The following BLM variants were observed in gnomAD, a reference collection of about 807,000 sequenced individuals.
BLM encodes the protein recQ-like DNA helicase BLM.
Under a neutral mutation model 135.3 loss-of-function variants are expected in BLM, and 95 were observed. That is an observed-to-expected ratio of 0.70 (90% CI 0.59 to 0.83). The LOEUF (loss-of-function observed/expected upper bound fraction) is 0.83, where lower values mean the gene tolerates loss of function less well. Ranked by LOEUF, BLM falls within the 40% of genes least tolerant of loss-of-function variation. The pLI, the probability that BLM is intolerant of heterozygous loss-of-function variation, is 0.00. For missense variants in BLM, 1,518 were observed against 1,663.9 expected, an observed-to-expected ratio of 0.91 and a Z score of 1.53; for synonymous variants, 520 against 589.2, an observed-to-expected ratio of 0.88 and a Z score of 1.70.
chr15:90,750,155 G>A, intron 3 of BLM, 88 bp downstream of exon 3: 1 of 1,409,198 alleles, frequency 7.1e-7, no homozygotes, highest in Non-Finnish European at 9.8e-7. Context: ...AATATATAGA[G>A]CTTTTGTCCT....
intron 1 of BLM, among the ~76,000 whole-genome samples, chr15:90,733,206 C>A (rs1023710021): frequency 6.6e-6 from 1 of 152,146 alleles, no homozygotes; most frequent in African/African-American, 2.4e-5. Context: ...TAAGTAACCA[C>A]TGACACAGGA....
At chr15:90,814,328 C>T (rs961742017) in intron 21 of BLM, among the ~76,000 whole-genome samples, 12 of 152,192 alleles carry the variant, frequency 7.9e-5, no homozygotes, top group African/African-American at 2.9e-4. Context: ...GTAAACATGC[C>T]GGCCCCATGG....
chr15:90,719,822 A>C (rs759870985), intron 1 of BLM, among the ~76,000 whole-genome samples: 4 of 152,198 alleles, frequency 2.6e-5, no homozygotes, highest in Non-Finnish European at 5.9e-5. Flanking sequence ...ATCGTAGAAT[A>C]ATCCTAGGAC....
intron 20 of BLM, 30 bp downstream of exon 20, chr15:90,809,289 A>G (rs1897352703): frequency 6.2e-7 from 1 of 1,613,910 alleles, no homozygotes. Flanking sequence ...TGTTCTCTAA[A>G]AGCCTGTTTA....
At chr15:90,813,092 C>T (rs936372695) in intron 21 of BLM, among the ~76,000 whole-genome samples, 3 of 152,164 alleles carry the variant, frequency 2.0e-5, no homozygotes, top group Non-Finnish European at 4.4e-5. Context: ...TGCCTGGTCT[C>T]GATTTCAAAG....
intron 1 of BLM, among the ~76,000 whole-genome samples, chr15:90,722,674 AATTAT>A (rs1202764651): frequency 1.3e-5 from 2 of 152,148 alleles, no homozygotes; most frequent in Non-Finnish European, 2.9e-5. Context: ...TATGCATAAA[AATTAT>A]ATTGTATTCA....
chr15:90,783,018 C>A (rs1896657434), intron 13 of BLM, 90 bp downstream of exon 13: 1 of 1,035,656 alleles, frequency 9.7e-7, no homozygotes, highest in South Asian at 1.4e-5. Context: ...ATTAAACATT[C>A]CTTTTTGCAT....
At position 90,790,428 on chromosome 15, in the gene BLM, G is replaced by A. The variant is rs28385073; in HGVS notation, c.2824-221G>A. Reference sequence around the variant, plus strand: ...TACAAGAAAGTGCCTGCCATGCTGAGCTTCTCTTTACCTTCTTGGGTTTTA... The same window carrying A: ...TACAAGAAAGTGCCTGCCATGCTGAACTTCTCTTTACCTTCTTGGGTTTTA... On this transcript the variant is annotated intron_variant, in intron 14 of 21. Coordinates refer to ENST00000355112, the MANE Select transcript of BLM (RefSeq NM_000057.4). 1,545 of 564,380 alleles carry A rather than the reference G, an allele frequency of 2.7e-3. 29 individuals carry two copies. The highest frequency in any genetic ancestry group is 0.025 in the African/African-American group (1,355 of 53,284). 35.0% of individuals were successfully genotyped at this position (564,380 alleles called of 1,614,324 possible). A position where few individuals can be genotyped will look rare whatever the true frequency, so the allele number is the denominator to read the frequency against.
At chr15:90,728,984 A>G (rs1028715283) in intron 1 of BLM, among the ~76,000 whole-genome samples, 10 of 152,128 alleles carry the variant, frequency 6.6e-5, no homozygotes, top group Non-Finnish European at 1.0e-4. Context: ...ATTCGAGACC[A>G]GTCTGGGCAA....
intron 15 of BLM, chr15:90,793,933 G>A (rs1404768341): frequency 3.3e-6 from 1 of 303,140 alleles, no homozygotes; most frequent in African/African-American, 2.2e-5. Context: ...CATCATTGGG[G>A]ATAATGAAGA....
intron 21 of BLM, 96 bp downstream of exon 21, chr15:90,811,502 A>T: frequency 2.2e-6 from 3 of 1,344,346 alleles, no homozygotes; most frequent in Non-Finnish European, 3.1e-6. Flanking sequence ...TATTAAAATA[A>T]GCCATTATTA....
At chr15:90,779,769 T>A (rs750101013) in intron 12 of BLM, among the ~76,000 whole-genome samples, 2 of 152,206 alleles carry the variant, frequency 1.3e-5, no homozygotes, top group African/African-American at 2.4e-5. Flanking sequence ...ATATCTGAAA[T>A]CAGAACATCC....
chr15:90,793,634 A>G (rs1342101539), intron 15 of BLM, among the ~76,000 whole-genome samples: 2 of 152,224 alleles, frequency 1.3e-5, no homozygotes, highest in Admixed American at 6.5e-5. Context: ...ATGTAGCACA[A>G]TCTAATGTTA....
chr15:90,759,731 C>T (rs1017094602), intron 5 of BLM, among the ~76,000 whole-genome samples: 4 of 151,828 alleles, frequency 2.6e-5, no homozygotes, highest in South Asian at 2.1e-4. Context: ...CTCAGCCTCC[C>T]GAGTAGCTGG....
chr15:90,788,084 G>A (rs1567054870), intron 14 of BLM, among the ~76,000 whole-genome samples: 8 of 152,176 alleles, frequency 5.3e-5, no homozygotes, highest in Admixed American at 5.2e-4. Context: ...GTAGTGAGTA[G>A]CTTGAGAATG....
intron 1 of BLM, among the ~76,000 whole-genome samples, chr15:90,723,158 T>C (rs572221636): frequency 1.2e-4 from 19 of 152,222 alleles, no homozygotes; most frequent in African/African-American, 4.3e-4. Flanking sequence ...TCCCAATTTT[T>C]GTGATAATGC....
chr15:90,747,524 C>A, intron 2 of BLM, 34 bp downstream of exon 2: 1 of 1,314,652 alleles, frequency 7.6e-7, no homozygotes, highest in Non-Finnish European at 1.1e-6. Context: ...GTCACATAGG[C>A]ACTAACTTAC....
chr15:90,750,710 G>A (rs966027652), intron 3 of BLM, among the ~76,000 whole-genome samples: 16 of 151,958 alleles, frequency 1.1e-4, no homozygotes, highest in African/African-American at 3.6e-4. Context: ...TTTGAGCAAG[G>A]GAGACCACAG....
chr15:90,736,704 G>C (rs141226541), intron 1 of BLM, among the ~76,000 whole-genome samples: 107 of 152,336 alleles, frequency 7.0e-4, no homozygotes, highest in African/African-American at 2.2e-3. Context: ...CTGTACAGCT[G>C]TAAAGAAGAA....
Sources: allele counts gnomAD v4.1 joint callset (sites outside exome capture counted in the v4.1 genomes callset), GRCh38; gene constraint gnomAD v4.1.1; transcripts MANE v1.5; gene names NCBI Gene and HGNC (gene_info 2026-07-23, HGNC 2026-07-21).